RFX7: variants seen among roughly 807,000 people sequenced by gnomAD.
The protein encoded by RFX7 is regulatory factor X7.
RFX7 carries 26 observed loss-of-function variants against 111.8 expected under a neutral mutation model. That is an observed-to-expected ratio of 0.23 (90% CI 0.17 to 0.32). The LOEUF (loss-of-function observed/expected upper bound fraction) is 0.32, where lower values mean the gene tolerates loss of function less well. Ranked by LOEUF, RFX7 falls within the 10% of genes least tolerant of loss-of-function variation. The pLI is 1.00. For missense variants in RFX7, 1,573 were observed against 1,772.9 expected (o/e 0.89, Z 2.02); for synonymous variants, 624 against 624.4 (o/e 1.00, Z 0.01).
intron 2 of RFX7, among the ~76,000 whole-genome samples, chr15:56,226,303 A>G (rs2043482844): frequency 6.6e-6 from 1 of 152,200 alleles, no homozygotes; most frequent in African/African-American, 2.4e-5. Context: ...GAGTCTACCT[A>G]TCATAGTGAC....
Position 56,095,352 on chromosome 15 carries a change from T to C in RFX7, c.2376A>G (p.Ile792Met), listed in dbSNP as rs1327857824. Residue 792 changes from isoleucine to methionine, a missense_variant, in exon 10 of 10, where the codon ATA (isoleucine) becomes ATG (methionine). Transcript: ENST00000559447. ...WQQITKDSEF[I>M]SASCEQQQDI... ...CTTGCTGTTGTTCACAACTGGCAGA[T>C]ATAAACTCAGAATCTTTAGTGATTT... 1.9e-6 allele frequency: 3 copies of C among 1,613,792 alleles called. No homozygotes were observed.
At chr15:56,159,647 C>T (rs1595976828) in intron 3 of RFX7, among the ~76,000 whole-genome samples, 3 of 152,204 alleles carry the variant, frequency 2.0e-5, no homozygotes, top group African/African-American at 7.2e-5. Flanking sequence ...AAATGGGTAA[C>T]TTTTCATTTC....
At chr15:56,188,021 A>T (rs1163002314) in intron 2 of RFX7, among the ~76,000 whole-genome samples, 2 of 152,228 alleles carry the variant, frequency 1.3e-5, no homozygotes, top group African/African-American at 4.8e-5. Flanking sequence ...TTAGCAGACA[A>T]GGACTTCAAA....
intron 2 of RFX7, among the ~76,000 whole-genome samples, chr15:56,182,427 C>T (rs1001562245): frequency 2.6e-5 from 4 of 151,994 alleles, no homozygotes; most frequent in African/African-American, 9.7e-5. Flanking sequence ...TTTTAAGTTC[C>T]CCTTTTCTTC....
intron 5 of RFX7, among the ~76,000 whole-genome samples, chr15:56,134,960 C>T (rs2042277138): frequency 6.6e-6 from 1 of 152,048 alleles, no homozygotes; most frequent in Non-Finnish European, 1.5e-5. Flanking sequence ...TTTTTTATGG[C>T]TGCATAGTAT....
chr15:56,107,292 G>C (rs1215971639), intron 5 of RFX7, among the ~76,000 whole-genome samples: 1 of 42,770 alleles, frequency 2.3e-5, no homozygotes, highest in Admixed American at 4.6e-4. Context: ...GCAAGACTCC[G>C]TCTCAAAAAA....
chr15:56,193,170 TG>T (rs2043115884), intron 2 of RFX7: 1 of 215,012 alleles, frequency 4.7e-6, no homozygotes, highest in African/African-American at 2.3e-5. Context: ...TGTGTGATGC[TG>T]ATGACCATCA....
chr15:56,206,955 G>A (rs2043260090), intron 2 of RFX7, among the ~76,000 whole-genome samples: 1 of 151,768 alleles, frequency 6.6e-6, no homozygotes, highest in Non-Finnish European at 1.5e-5. Flanking sequence ...AGCACAACAG[G>A]GTGATTACAG....
intron 2 of RFX7, chr15:56,192,334 G>A (rs1315908061): frequency 3.2e-5 from 7 of 222,066 alleles, no homozygotes; most frequent in Admixed American, 1.7e-4. Context: ...CTCAGTGCCA[G>A]AGAAGCTGAG....
chr15:56,176,025 G>T (rs1448621003), intron 3 of RFX7, among the ~76,000 whole-genome samples: 1 of 152,106 alleles, frequency 6.6e-6, no homozygotes, highest in Non-Finnish European at 1.5e-5. Context: ...ATCCCACATG[G>T]TTAAAATAGT....
At chr15:56,215,329 A>T (rs886708880) in intron 2 of RFX7, among the ~76,000 whole-genome samples, 5 of 152,212 alleles carry the variant, frequency 3.3e-5, no homozygotes, top group African/African-American at 1.2e-4. Flanking sequence ...TGTTAAATCT[A>T]TTGTAGTCTG....
chr15:56,176,427 T>C (rs767692685), intron 3 of RFX7, among the ~76,000 whole-genome samples: 1 of 152,104 alleles, frequency 6.6e-6, no homozygotes, highest in Non-Finnish European at 1.5e-5. Context: ...CAATCTAGGA[T>C]AAATCTTAAT....
intron 2 of RFX7, among the ~76,000 whole-genome samples, chr15:56,223,455 T>C (rs910647332): frequency 6.6e-5 from 10 of 152,174 alleles, no homozygotes; most frequent in Admixed American, 2.6e-4. Context: ...CTAAGGATCA[T>C]AGCCCTATGG....
chr15:56,097,998 G>A (rs1595921523), intron 9 of RFX7, 83 bp downstream of exon 9: 1 of 1,272,024 alleles, frequency 7.9e-7, no homozygotes. Flanking sequence ...TCTTATACCT[G>A]CCTTCTTTTC....
chr15:56,088,288 A>T lies in RFX7; in HGVS notation c.*5057T>A, dbSNP rs186731270. On this transcript the variant is annotated 3_prime_UTR_variant, in exon 10 of 10. Transcript: ENST00000559447. Reference sequence around the variant, plus strand: ...GATAATCCTGGCTCTTCCTGTTATTATGTTACCTCCACCAGTTAATCTCTG... The same window carrying T: ...GATAATCCTGGCTCTTCCTGTTATTTTGTTACCTCCACCAGTTAATCTCTG... 223 of 152,938 alleles carry T rather than the reference A, an allele frequency of 1.5e-3. No individual in the cohort carries two copies. The highest frequency in any genetic ancestry group is 2.5e-3 in the Non-Finnish European group (171 of 68,474). 9.5% of individuals were successfully genotyped at this position (152,938 alleles called of 1,614,324 possible).
chr15:56,213,289 A>G (rs573173933), intron 2 of RFX7, among the ~76,000 whole-genome samples: 2 of 152,338 alleles, frequency 1.3e-5, no homozygotes, highest in Admixed American at 6.5e-5. Context: ...GAATCAATCC[A>G]TATATCCTAC....
chr15:56,161,292 T>TAATC (rs2042717358), intron 3 of RFX7, among the ~76,000 whole-genome samples: 1 of 151,984 alleles, frequency 6.6e-6, no homozygotes, highest in Non-Finnish European at 1.5e-5. Flanking sequence ...CCTTTGAACT[T>TAATC]CCCTCAACTA....
Position 56,096,160 on chromosome 15 carries a change from C to G in RFX7, c.1568G>C (p.Gly523Ala). ...NGSVVSLQSPGSRSSSAGGTS... is the reference protein window; with the variant it reads ...NGSVVSLQSPASRSSSAGGTS... ...TCCCCCCGCACTGCTGCTCCTGGAC[C>G]CAGGAGACTGAAGCGACACGACAGA... The change falls in exon 10 of 10, where the codon GGG becomes GCG. Residue 523 changes from glycine to alanine, a missense_variant. Transcript: ENST00000559447. 1 of 1,613,814 alleles carries G rather than the reference C, an allele frequency of 6.2e-7. No individual in the cohort carries two copies. The highest frequency in any genetic ancestry group is 1.7e-5 in the Admixed American group (1 of 59,994).
intron 2 of RFX7, among the ~76,000 whole-genome samples, chr15:56,191,748 A>C (rs1203664862): frequency 7.9e-5 from 12 of 152,216 alleles, no homozygotes; most frequent in Non-Finnish European, 1.8e-4. Context: ...ATGACCAGGA[A>C]AACCGACCTC....
Sources: allele counts gnomAD v4.1 joint callset (sites outside exome capture counted in the v4.1 genomes callset), GRCh38; gene constraint gnomAD v4.1.1; transcripts MANE v1.5; gene names NCBI Gene and HGNC (gene_info 2026-07-23, HGNC 2026-07-21).